The following ORC5 variants were observed in gnomAD, a reference collection of about 807,000 sequenced individuals.
ORC5 encodes the protein origin recognition complex subunit 5.
In ORC5, 39 loss-of-function variants were observed where a neutral mutation model predicts 58.8. The ratio of observed to expected loss-of-function variants is 0.66; its 90% CI spans 0.51 to 0.87. ORC5 has a LOEUF of 0.87. Ranked by LOEUF, ORC5 falls within the 40% of genes least tolerant of loss-of-function variation. ORC5 has a pLI of 0.00. For synonymous variants in ORC5, 218 were observed against 177.6 expected (o/e 1.23, Z -1.81); for missense variants, 493 against 506.3 (o/e 0.97, Z 0.25).
intron 11 of ORC5, among the ~76,000 whole-genome samples, chr7:104,164,155 C>A (rs1799069526): frequency 6.6e-6 from 1 of 152,154 alleles, no homozygotes; most frequent in Admixed American, 6.5e-5. Context: ...CATGGTAGCT[C>A]ATGCCTGTAA....
rs528888944 is a variant in ORC5, at chr7:104,171,443, GAAGTC to G, written c.825-2923_825-2919del. ...AAGTGCTCCCTTCTGGAAAAATAAT[GAAGTC>G]AAGTTTCTTTAATATATGGTGCTAT... is the stretch of plus-strand genomic sequence containing the variant. On this transcript the variant is annotated intron_variant, in intron 8 of 13. Transcript: ENST00000297431. 1.1e-3 allele frequency among the ~76,000 whole-genome samples: 162 copies of G among 152,306 alleles called. 1 individual carries two copies. Among genetic ancestry groups the G allele is most frequent in the African/African-American group, 3.8e-3 (157 of 41,552 alleles).
intron 1 of ORC5, among the ~76,000 whole-genome samples, chr7:104,206,209 G>C (rs895238468): frequency 2.6e-5 from 4 of 152,134 alleles, no homozygotes; most frequent in African/African-American, 9.7e-5. Flanking sequence ...GCTAGTACCT[G>C]ACACAGAAAA....
At chr7:104,127,196 A>C (rs1300764162) in intron 13 of ORC5, among the ~76,000 whole-genome samples, 1 of 152,234 alleles carries the variant, frequency 6.6e-6, no homozygotes, top group East Asian at 1.9e-4. Flanking sequence ...TTCATTTGAA[A>C]GCTATTTGCT....
chr7:104,189,943 G>C (rs1049429177), intron 5 of ORC5, among the ~76,000 whole-genome samples: 1 of 152,120 alleles, frequency 6.6e-6, no homozygotes, highest in Non-Finnish European at 1.5e-5. Flanking sequence ...TAATATTCTT[G>C]TAGGACTAAG....
At position 104,167,784 on chromosome 7, in the gene ORC5, C is replaced by G. The variant is rs564631190; in HGVS notation, c.877+689G>C. ...AAATTGAGCTGGGTTCAAGGTCAAA[C>G]AGATAGAAAGTAGTGCAAATCAATT... On this transcript the variant is annotated intron_variant, in intron 9 of 13. Coordinates refer to ENST00000297431, the MANE Select transcript of ORC5 (RefSeq NM_002553.4). Among the ~76,000 whole-genome samples the G allele has an allele frequency of 9.2e-5, 14 of 152,256 alleles. No individual in the cohort carries two copies. The East Asian group carries it at 2.7e-3, about 29-fold the overall frequency.
intron 1 of ORC5, among the ~76,000 whole-genome samples, chr7:104,205,642 T>G (rs2299412): frequency 0.26 from 38,937 of 152,052 alleles, 5,279 homozygotes; most frequent in African/African-American, 0.34. Context: ...GACTAAAAAT[T>G]TACTTGAAAT....
chr7:104,196,677 T>G (rs1057168086), intron 4 of ORC5, among the ~76,000 whole-genome samples: 1 of 152,152 alleles, frequency 6.6e-6, no homozygotes, highest in Non-Finnish European at 1.5e-5. Context: ...CCCCAAGTAT[T>G]TACTTTATTA....
intron 12 of ORC5, among the ~76,000 whole-genome samples, chr7:104,143,642 A>G (rs769368880): frequency 6.6e-6 from 1 of 152,206 alleles, no homozygotes; most frequent in African/African-American, 2.4e-5. Context: ...ACATTAAAAG[A>G]ACTAAACCTA....
intron 5 of ORC5, among the ~76,000 whole-genome samples, chr7:104,188,824 C>G (rs1353786575): frequency 6.6e-6 from 1 of 152,020 alleles, no homozygotes; most frequent in East Asian, 1.9e-4. Context: ...CCTAGCTGTT[C>G]TTGTGATAGA....
chr7:104,173,677 T>C (rs552006189), intron 8 of ORC5, among the ~76,000 whole-genome samples: 216 of 152,298 alleles, frequency 1.4e-3, no homozygotes, highest in African/African-American at 4.8e-3. Context: ...TTTTGCCTTT[T>C]CTGGCAATCC....
intron 13 of ORC5, among the ~76,000 whole-genome samples, chr7:104,135,737 T>A (rs1358927353): frequency 2.6e-5 from 4 of 152,234 alleles, no homozygotes; most frequent in African/African-American, 9.6e-5. Context: ...AAATCTATAC[T>A]GATATCAAGC....
At chr7:104,153,182 T>C (rs561992367) in intron 12 of ORC5, among the ~76,000 whole-genome samples, 6 of 152,306 alleles carry the variant, frequency 3.9e-5, no homozygotes, top group Admixed American at 6.5e-5. Flanking sequence ...GTAAAAATCA[T>C]AGGTTAACTT....
chr7:104,170,466 G>A (rs1799191554), intron 8 of ORC5, among the ~76,000 whole-genome samples: 1 of 152,168 alleles, frequency 6.6e-6, no homozygotes, highest in Non-Finnish European at 1.5e-5. Flanking sequence ...AAGAGAAAAT[G>A]CTACACTGCT....
Position 104,184,183 on chromosome 7 carries a change from GAA to G in ORC5, c.685-14_685-13del. 3 of 1,427,098 alleles carry G rather than the reference GAA, an allele frequency of 2.1e-6. No homozygotes were observed. Among genetic ancestry groups the G allele is most frequent in the Non-Finnish European group, 2.8e-6 (3 of 1,053,072 alleles). 88.4% of individuals were successfully genotyped at this position (1,427,098 alleles called of 1,614,324 possible). A position where few individuals can be genotyped will look rare whatever the true frequency, so the allele number is the denominator to read the frequency against. On this transcript the variant is annotated splice_polypyrimidine_tract_variant and intron_variant, in intron 6 of 13. Coordinates refer to ENST00000297431, the MANE Select transcript of ORC5 (RefSeq NM_002553.4). ...AAATTAAGTACTGCCTGTAAGTAAA[GAA>G]AAAAAAAGAGAAGAAAAAAAGCACT...
At chr7:104,191,207 T>A (rs1026834639) in intron 5 of ORC5, among the ~76,000 whole-genome samples, 1 of 151,668 alleles carries the variant, frequency 6.6e-6, no homozygotes, top group Middle Eastern at 3.4e-3. Flanking sequence ...GTCACTAAGT[T>A]TTTTTAACTA....
Position 104,207,958 on chromosome 7 carries a change from C to G in ORC5, c.-54G>C, listed in dbSNP as rs903603967. The G allele has an allele frequency of 8.5e-6, 13 of 1,535,186 alleles. No individual in the cohort carries two copies. The highest frequency in any genetic ancestry group is 1.1e-5 in the Non-Finnish European group (12 of 1,109,806). On this transcript the variant is annotated 5_prime_UTR_variant, in exon 1 of 14. Transcript: ENST00000297431. ...GCAGCCAGCCCACAGGACCCTTGCA[C>G]AAGACGGAGCCTCTCCCGAGTCTGG... is the stretch of plus-strand genomic sequence containing the variant.
At chr7:104,202,801 G>A (rs545287068) in intron 2 of ORC5, among the ~76,000 whole-genome samples, 1 of 152,282 alleles carries the variant, frequency 6.6e-6, no homozygotes, top group East Asian at 1.9e-4. Flanking sequence ...AAAATGCACA[G>A]CTGATCTTTG....
intron 13 of ORC5, among the ~76,000 whole-genome samples, chr7:104,131,744 C>T (rs1001761590): frequency 2.6e-5 from 4 of 151,676 alleles, no homozygotes; most frequent in Admixed American, 6.6e-5. Flanking sequence ...CCCAGCTACT[C>T]GGGAGGCTGA....
chr7:104,168,633 CAGAAA>C, intron 8 of ORC5, 108 bp from the exon 9 acceptor site: 1 of 545,080 alleles, frequency 1.8e-6, no homozygotes, highest in Non-Finnish European at 3.1e-6. Context: ...ATTAACAAAA[CAGAAA>C]AGAAAAATAT....
Sources: gnomAD v4.1 joint callset for allele counts (sites outside exome capture counted in the v4.1 genomes callset) on GRCh38, gnomAD v4.1.1 for gene constraint, MANE v1.5 for transcripts, NCBI Gene and HGNC (gene_info 2026-07-23, HGNC 2026-07-21) for gene names.